The following UBE2E2 variants were observed in gnomAD, a reference collection of about 807,000 sequenced individuals.
The protein encoded by UBE2E2 is ubiquitin conjugating enzyme E2 E2.
UBE2E2 carries 6 observed loss-of-function variants against 24.7 expected under a neutral mutation model. The observed-to-expected ratio is 0.24, with a 90% CI of 0.13 to 0.48. The LOEUF (loss-of-function observed/expected upper bound fraction) is 0.48, where lower values mean the gene tolerates loss of function less well. Ranked by LOEUF, UBE2E2 falls within the 20% of genes least tolerant of loss-of-function variation. The probability of loss-of-function intolerance (pLI) is 0.99; values close to 1 mark genes in which losing one functional copy is unlikely to be tolerated. For synonymous variants in UBE2E2, 104 were observed against 83.6 expected (o/e 1.24, Z -1.33); for missense variants, 169 against 245.0 (o/e 0.69, Z 2.07).
At chr3:23,332,183 G>A (rs566319850) in intron 3 of UBE2E2, among the ~76,000 whole-genome samples, 4 of 151,842 alleles carry the variant, frequency 2.6e-5, no homozygotes, top group South Asian at 4.2e-4. Context: ...GGTTTCGGTC[G>A]CCCAGGCAAG....
At chr3:23,296,436 G>T (rs1450391086) in intron 3 of UBE2E2, among the ~76,000 whole-genome samples, 2 of 152,004 alleles carry the variant, frequency 1.3e-5, no homozygotes, top group Non-Finnish European at 2.9e-5. Flanking sequence ...TTTACCATTA[G>T]GTATATCTCC....
intron 4 of UBE2E2, among the ~76,000 whole-genome samples, chr3:23,524,196 G>C (rs1429123789): frequency 1.3e-5 from 2 of 152,104 alleles, no homozygotes; most frequent in Admixed American, 6.6e-5. Flanking sequence ...ATTATGTTTA[G>C]AATCAGTTTG....
At chr3:23,446,699 G>GTGTT (rs369621322) in intron 3 of UBE2E2, among the ~76,000 whole-genome samples, 1 of 112,218 alleles carries the variant, frequency 8.9e-6, no homozygotes, top group East Asian at 2.9e-4. Context: ...CGTCTGTTTG[G>GTGTT]TTTTTTTTTT....
At chr3:23,270,514 G>T (rs1698211002) in intron 3 of UBE2E2, among the ~76,000 whole-genome samples, 1 of 152,142 alleles carries the variant, frequency 6.6e-6, no homozygotes, top group African/African-American at 2.4e-5. Flanking sequence ...GGGCCCTGCA[G>T]GGCTCGTTCT....
At chr3:23,473,245 G>C (rs565067268) in intron 3 of UBE2E2, among the ~76,000 whole-genome samples, 1 of 152,030 alleles carries the variant, frequency 6.6e-6, no homozygotes, top group South Asian at 2.1e-4. Context: ...AAGCACAAAG[G>C]AAAGTTTTTT....
chr3:23,396,594 C>A (rs1419454757), intron 3 of UBE2E2, among the ~76,000 whole-genome samples: 1 of 151,878 alleles, frequency 6.6e-6, no homozygotes, highest in Non-Finnish European at 1.5e-5. Context: ...TCCAGTAGAT[C>A]AGTAGACCTG....
chr3:23,360,921 A>G (rs1696096764), intron 3 of UBE2E2, among the ~76,000 whole-genome samples: 1 of 152,116 alleles, frequency 6.6e-6, no homozygotes, highest in Admixed American at 6.6e-5. Flanking sequence ...GAAAATATTC[A>G]CAAACTATGC....
intron 3 of UBE2E2, among the ~76,000 whole-genome samples, chr3:23,459,563 G>T (rs541121541): frequency 6.6e-6 from 1 of 152,126 alleles, no homozygotes; most frequent in East Asian, 1.9e-4. Flanking sequence ...ACGTAAAAAG[G>T]AGAAGAAACA....
intron 4 of UBE2E2, among the ~76,000 whole-genome samples, chr3:23,520,782 A>G (rs1178065560): frequency 6.6e-6 from 1 of 152,130 alleles, no homozygotes; most frequent in Non-Finnish European, 1.5e-5. Flanking sequence ...AGCTAGTAAT[A>G]CAGGCACACA....
At chr3:23,403,650 G>C (rs1697283819) in intron 3 of UBE2E2, among the ~76,000 whole-genome samples, 1 of 152,006 alleles carries the variant, frequency 6.6e-6, no homozygotes, top group South Asian at 2.1e-4. Flanking sequence ...GTGAAACCCG[G>C]TCTCTATTTT....
intron 5 of UBE2E2, among the ~76,000 whole-genome samples, chr3:23,552,682 T>C (rs549488409): frequency 6.6e-6 from 1 of 152,314 alleles, no homozygotes; most frequent in East Asian, 1.9e-4. Context: ...CTTTGGAACT[T>C]TTAAGAATGT....
chr3:23,296,047 A>C (rs35024744), intron 3 of UBE2E2, among the ~76,000 whole-genome samples: 16,181 of 152,220 alleles, frequency 0.11, 999 homozygotes, highest in East Asian at 0.15. Flanking sequence ...TCTAAATAGA[A>C]GATAGAGATC....
intron 2 of UBE2E2, among the ~76,000 whole-genome samples, chr3:23,209,973 C>G (rs1495132): frequency 0.029 from 4,361 of 152,100 alleles, 106 homozygotes; most frequent in East Asian, 0.13. Flanking sequence ...CTAGACCATG[C>G]TAGGGTGGGG....
intron 5 of UBE2E2, among the ~76,000 whole-genome samples, chr3:23,533,701 C>G (rs1336244016): frequency 1.3e-5 from 2 of 150,274 alleles, no homozygotes; most frequent in African/African-American, 4.9e-5. Context: ...TTGGCTCCCG[C>G]AACCTCCGCC....
At chr3:23,435,470 A>T (rs1449987516) in intron 3 of UBE2E2, among the ~76,000 whole-genome samples, 1 of 152,200 alleles carries the variant, frequency 6.6e-6, no homozygotes, top group Non-Finnish European at 1.5e-5. Flanking sequence ...GATTCCTGCC[A>T]TAGGGTTATG....
intron 3 of UBE2E2, among the ~76,000 whole-genome samples, chr3:23,489,717 C>G (rs1379515034): frequency 6.6e-6 from 1 of 152,166 alleles, no homozygotes; most frequent in African/African-American, 2.4e-5. Flanking sequence ...TGTGTGGCCT[C>G]CTTCCTAACA....
chr3:23,460,636 T>C (rs1454601514), intron 3 of UBE2E2, among the ~76,000 whole-genome samples: 18 of 152,240 alleles, frequency 1.2e-4, no homozygotes, highest in Non-Finnish European at 1.5e-5. Context: ...AGCTCTTTGG[T>C]AATTACAGAA....
intron 5 of UBE2E2, among the ~76,000 whole-genome samples, chr3:23,563,529 A>T (rs1200731466): frequency 1.3e-5 from 2 of 152,186 alleles, no homozygotes; most frequent in Admixed American, 6.6e-5. Flanking sequence ...GGTGCTGAGA[A>T]GAATGTATAT....
intron 5 of UBE2E2, among the ~76,000 whole-genome samples, chr3:23,556,708 A>G (rs766142014): frequency 6.6e-6 from 1 of 152,126 alleles, no homozygotes; most frequent in Non-Finnish European, 1.5e-5. Context: ...TGCCTCACAC[A>G]TGACTTTACA....
Sources: gnomAD v4.1 joint callset for allele counts (sites outside exome capture counted in the v4.1 genomes callset) on GRCh38, gnomAD v4.1.1 for gene constraint, MANE v1.5 for transcripts, NCBI Gene and HGNC (gene_info 2026-07-23, HGNC 2026-07-21) for gene names.